The following COL28A1 variants were observed in gnomAD, a reference collection of about 807,000 sequenced individuals.
COL28A1 encodes collagen alpha-1(XXVIII) chain.
In COL28A1, 161 loss-of-function variants were observed where a neutral mutation model predicts 150.2. The observed-to-expected ratio is 1.07, with a 90% CI of 0.94 to 1.22. The LOEUF is 1.22. COL28A1 is among the 50% of genes most tolerant of loss of function. The probability of loss-of-function intolerance (pLI) is 0.00; values close to 1 mark genes in which losing one functional copy is unlikely to be tolerated. For synonymous variants in COL28A1, 552 were observed against 469.7 expected, an observed-to-expected ratio of 1.18 and a Z score of -2.26; for missense variants, 1,617 against 1,388.3, an observed-to-expected ratio of 1.16 and a Z score of -2.62.
In COL28A1 at chr7:7,531,400, G is replaced by C. The variant is rs1029706748; in HGVS notation, c.629C>G (p.Pro210Arg). ...GGTTGGATCACTCAACAGTAAAGTG[G>C]GTTCACTGGATGAATCCCCAGAAAT... ...RLISGDSSSE[P>R]TLLLSDPTLV... Residue 210 changes from proline to arginine, a missense_variant, in exon 3 of 35, where the codon CCC becomes CGC. Transcript: ENST00000399429. 6.3e-7 allele frequency: 1 copy of C among 1,597,754 alleles called. No individual in the cohort carries two copies. The highest frequency in any genetic ancestry group is 8.6e-7 in the Non-Finnish European group (1 of 1,168,532).
intron 13 of COL28A1, among the ~76,000 whole-genome samples, chr7:7,483,751 A>C (rs1002268017): frequency 6.6e-6 from 1 of 152,182 alleles, no homozygotes; most frequent in Non-Finnish European, 1.5e-5. Flanking sequence ...AGAATAAAAT[A>C]ATAGAGACAA....
intron 16 of COL28A1, 59 bp from the exon 17 acceptor site, chr7:7,453,567 A>G (rs556743018): frequency 2.4e-6 from 2 of 822,616 alleles, no homozygotes; most frequent in South Asian, 1.4e-5. Context: ...CAAATCCTCT[A>G]AAGTGAAACT....
Position 7,419,965 on chromosome 7 carries a change from C to G in COL28A1, c.1999-12G>C. On this transcript the variant is annotated splice_polypyrimidine_tract_variant and intron_variant, in intron 25 of 34. Transcript: ENST00000399429. Reference sequence around the variant, plus strand: ...ACCCCAGGCTCTCCCTGAAAAGACACAACAAATAACAAGTTACTAATTTTT... The same window carrying G: ...ACCCCAGGCTCTCCCTGAAAAGACAGAACAAATAACAAGTTACTAATTTTT... The G allele has an allele frequency of 6.4e-7, 1 of 1,555,444 alleles. No homozygotes were observed. The highest frequency in any genetic ancestry group is 8.7e-7 in the Non-Finnish European group (1 of 1,152,898).
chr7:7,410,478 A>C (rs558710048), intron 27 of COL28A1, among the ~76,000 whole-genome samples: 13 of 152,298 alleles, frequency 8.5e-5, no homozygotes, highest in Admixed American at 2.0e-4. Context: ...AAATTACAAT[A>C]AGAGATAAGT....
chr7:7,425,428 C>T (rs1417899495), intron 25 of COL28A1, among the ~76,000 whole-genome samples: 2 of 152,324 alleles, frequency 1.3e-5, no homozygotes, highest in East Asian at 1.9e-4. Context: ...AGGAGAAGAA[C>T]ATCCTGGATT....
intron 33 of COL28A1, among the ~76,000 whole-genome samples, chr7:7,365,097 C>A (rs960847100): frequency 5.3e-5 from 8 of 152,086 alleles, no homozygotes; most frequent in Non-Finnish European, 1.0e-4. Flanking sequence ...AATACACACC[C>A]AATTCACGAT....
intron 8 of COL28A1, among the ~76,000 whole-genome samples, chr7:7,512,914 G>A (rs1487829321): frequency 6.6e-6 from 1 of 152,198 alleles, no homozygotes; most frequent in East Asian, 1.9e-4. Flanking sequence ...ACTACACAAT[G>A]ACAAGGAAAT....
chr7:7,455,992 G>A, intron 16 of COL28A1, 52 bp downstream of exon 16: 2 of 1,608,630 alleles, frequency 1.2e-6, no homozygotes, highest in East Asian at 4.5e-5. Flanking sequence ...TGAAGACCAG[G>A]ATTGGGCTGG....
chr7:7,500,756 C>T (rs975002532), intron 11 of COL28A1, among the ~76,000 whole-genome samples: 2 of 152,134 alleles, frequency 1.3e-5, no homozygotes, highest in Non-Finnish European at 2.9e-5. Flanking sequence ...CTCTTGTTTA[C>T]TGAATCTCCT....
rs1220627103 is a variant in COL28A1 at position 7,375,455 on chromosome 7, T to A, written c.2359+6A>T. 1 of 1,575,760 alleles carries A rather than the reference T, an allele frequency of 6.3e-7. No homozygotes were observed. Reference sequence around the variant, plus strand: ...AAGTGATGTTTTTTCCTTGATCAAATCTTACCACATATTTCTGTAATAAGT... The same window carrying A: ...AAGTGATGTTTTTTCCTTGATCAAAACTTACCACATATTTCTGTAATAAGT... On this transcript the variant is annotated splice_donor_region_variant and intron_variant, in intron 31 of 34. Coordinates refer to ENST00000399429, the MANE Select transcript of COL28A1 (RefSeq NM_001037763.3).
intron 30 of COL28A1, among the ~76,000 whole-genome samples, chr7:7,377,102 T>C (rs925442938): frequency 6.6e-6 from 1 of 152,236 alleles, no homozygotes; most frequent in Non-Finnish European, 1.5e-5. Context: ...GTATGTTCTT[T>C]GTCTTATCTT....
At chr7:7,353,971 A>G (rs1429683689), downstream of COL28A1, among the ~76,000 whole-genome samples, 2 of 152,074 alleles carry the variant, frequency 1.3e-5, no homozygotes, top group Non-Finnish European at 2.9e-5. Flanking sequence ...GGCTATTTCT[A>G]TAACTCATAC....
chr7:7,447,213 C>G (rs921275426), intron 18 of COL28A1, among the ~76,000 whole-genome samples: 23 of 152,044 alleles, frequency 1.5e-4, no homozygotes, highest in Non-Finnish European at 3.1e-4. Context: ...TAAAAAACAT[C>G]CAAGAACAAA....
intron 18 of COL28A1, among the ~76,000 whole-genome samples, chr7:7,450,977 A>T (rs918269428): frequency 4.6e-5 from 7 of 152,130 alleles, no homozygotes; most frequent in Admixed American, 1.3e-4. Flanking sequence ...TATGGATAAA[A>T]ATGTGTGGGA....
chr7:7,408,888 A>T (rs1437929161), intron 27 of COL28A1, among the ~76,000 whole-genome samples: 1 of 152,142 alleles, frequency 6.6e-6, no homozygotes, highest in Non-Finnish European at 1.5e-5. Context: ...TGTTTTTAAG[A>T]ACTCAAATTG....
intron 15 of COL28A1, among the ~76,000 whole-genome samples, chr7:7,456,771 G>A (rs1265989044): frequency 6.6e-6 from 1 of 152,302 alleles, no homozygotes; most frequent in South Asian, 2.1e-4. Flanking sequence ...CAAAATCTCT[G>A]TCCTCCATTG....
intron 27 of COL28A1, chr7:7,417,513 AGGAGGGAGGGGGGAGGGAGGGAG>A: frequency 3.2e-5 from 5 of 155,964 alleles, no homozygotes; most frequent in South Asian, 2.1e-4. Flanking sequence ...GGGGGAGGGA[AGGAGGGAGGGGGGAGGGAGGGAG>A]GGAGGGGGGG....
At chr7:7,452,966 T>C (rs1308711418) in intron 17 of COL28A1, among the ~76,000 whole-genome samples, 1 of 152,202 alleles carries the variant, frequency 6.6e-6, no homozygotes, top group African/African-American at 2.4e-5. Context: ...AGTGCCATGC[T>C]CCTCCTCAAG....
intron 5 of COL28A1, among the ~76,000 whole-genome samples, chr7:7,521,231 C>T (rs1781707384): frequency 6.6e-6 from 1 of 152,168 alleles, no homozygotes; most frequent in South Asian, 2.1e-4. Flanking sequence ...TAAAAAAATG[C>T]TCAGCATTTC....
Sources: gnomAD v4.1 joint callset for allele counts (sites outside exome capture counted in the v4.1 genomes callset) on GRCh38, gnomAD v4.1.1 for gene constraint, MANE v1.5 for transcripts, NCBI Gene and HGNC (gene_info 2026-07-23, HGNC 2026-07-21) for gene names.